Variants in VEPH1 observed in about 807,000 individuals in gnomAD.
VEPH1 encodes ventricular zone expressed PH domain containing 1.
VEPH1 carries 80 observed loss-of-function variants against 85.2 expected under a neutral mutation model. The observed-to-expected ratio is 0.94, with a 90% CI of 0.78 to 1.13. The LOEUF is 1.13. Ranked by LOEUF, VEPH1 falls within the 50% of genes most tolerant of loss-of-function variation. The pLI is 0.00. For synonymous variants in VEPH1, 297 were observed against 348.0 expected (o/e 0.85, Z 1.63); for missense variants, 955 against 980.5 (o/e 0.97, Z 0.35).
intron 3 of VEPH1, among the ~76,000 whole-genome samples, chr3:157,466,403 C>G (rs563897546): frequency 1.5e-4 from 23 of 152,296 alleles, no homozygotes; most frequent in Admixed American, 1.5e-3. Flanking sequence ...GTACTAAACT[C>G]CAGTAGTTTG....
At chr3:157,355,219 C>T (rs945124849) in intron 9 of VEPH1, among the ~76,000 whole-genome samples, 6 of 152,292 alleles carry the variant, frequency 3.9e-5, no homozygotes, top group South Asian at 2.1e-4. Flanking sequence ...TTTGTAACTA[C>T]GTATTATGTA....
intron 11 of VEPH1, among the ~76,000 whole-genome samples, chr3:157,306,685 C>T (rs1174554402): frequency 6.6e-6 from 1 of 151,864 alleles, no homozygotes; most frequent in African/African-American, 2.4e-5. Context: ...AAAAATAGGG[C>T]ACATGAAATT....
chr3:157,435,315 T>C (rs1733474089), intron 4 of VEPH1, among the ~76,000 whole-genome samples: 1 of 152,232 alleles, frequency 6.6e-6, no homozygotes, highest in Non-Finnish European at 1.5e-5. Flanking sequence ...TGCTTCCTCA[T>C]ATGTTCAAAT....
At chr3:157,498,680 C>T (rs1006144880) in intron 1 of VEPH1, among the ~76,000 whole-genome samples, 6 of 152,210 alleles carry the variant, frequency 3.9e-5, no homozygotes, top group Non-Finnish European at 1.5e-5. Context: ...ACATCCCTTC[C>T]TAAATAAGGA....
At chr3:157,350,627 G>C (rs1183390010) in intron 9 of VEPH1, among the ~76,000 whole-genome samples, 1 of 151,940 alleles carries the variant, frequency 6.6e-6, no homozygotes, top group African/African-American at 2.4e-5. Context: ...TCATACAACA[G>C]GATATTAACA....
intron 3 of VEPH1, among the ~76,000 whole-genome samples, chr3:157,469,586 C>G (rs567773997): frequency 4.6e-5 from 7 of 152,284 alleles, no homozygotes; most frequent in African/African-American, 1.7e-4. Flanking sequence ...ACATTGTGAT[C>G]ATTCAAAAGG....
intron 6 of VEPH1, 57 bp from the exon 7 acceptor site, chr3:157,381,433 T>A (rs1728759275): frequency 6.4e-7 from 1 of 1,567,752 alleles, no homozygotes. Context: ...CATCCAGGCA[T>A]GGTGGTCATG....
intron 9 of VEPH1, among the ~76,000 whole-genome samples, chr3:157,360,662 T>C (rs1190782600): frequency 6.6e-6 from 1 of 152,088 alleles, no homozygotes; most frequent in African/African-American, 2.4e-5. Context: ...GTGCTCAGAA[T>C]ACATACATTT....
chr3:157,440,440 TG>T (rs1734028150), intron 4 of VEPH1, among the ~76,000 whole-genome samples: 1 of 152,184 alleles, frequency 6.6e-6, no homozygotes, highest in African/African-American at 2.4e-5. Flanking sequence ...CATGGATGTT[TG>T]GTTTCTGCAA....
At chr3:157,418,247 G>A (rs762356095) in intron 5 of VEPH1, among the ~76,000 whole-genome samples, 6 of 152,082 alleles carry the variant, frequency 3.9e-5, no homozygotes, top group Admixed American at 1.3e-4. Context: ...CCCAGGGTAG[G>A]GCAGCAACCC....
chr3:157,276,467 T>G (rs1419128466), intron 12 of VEPH1, among the ~76,000 whole-genome samples: 1 of 152,230 alleles, frequency 6.6e-6, no homozygotes, highest in Non-Finnish European at 1.5e-5. Flanking sequence ...CCACAGGTGA[T>G]TCTTATGTTG....
chr3:157,454,820 A>G (rs1735236087), intron 4 of VEPH1, among the ~76,000 whole-genome samples: 2 of 152,198 alleles, frequency 1.3e-5, no homozygotes, highest in Admixed American at 6.5e-5. Flanking sequence ...CATGTACCCA[A>G]TGATTAGTTC....
chr3:157,494,732 T>G lies in VEPH1; in HGVS notation c.138+480A>C, dbSNP rs143471482. On this transcript the variant is annotated intron_variant, in intron 2 of 13. Transcript: ENST00000362010. The stretch of plus-strand genomic sequence containing the variant: ...TTATTAAGTCCTGGGCAACTGTCAC[T>G]TCTGGCAGCAAAGCGATCGTTGTCC... Among the ~76,000 whole-genome samples the G allele has an allele frequency of 1.8e-3, 271 of 152,186 alleles. 1 individual carries two copies. Among genetic ancestry groups the G allele is most frequent in the African/African-American group, 6.4e-3 (265 of 41,526 alleles).
At chr3:157,385,219 C>CAAAA (rs66539962) in intron 6 of VEPH1, among the ~76,000 whole-genome samples, 2 of 135,492 alleles carry the variant, frequency 1.5e-5, no homozygotes, top group Non-Finnish European at 1.6e-5. Flanking sequence ...CTCCTCCCAT[C>CAAAA]AAAAAAAAAA....
intron 11 of VEPH1, among the ~76,000 whole-genome samples, chr3:157,295,090 G>A (rs1251562077): frequency 6.6e-6 from 1 of 152,110 alleles, no homozygotes; most frequent in Non-Finnish European, 1.5e-5. Context: ...CATTGTCAAG[G>A]TTCCTTGCCT....
intron 3 of VEPH1, among the ~76,000 whole-genome samples, chr3:157,467,857 T>A (rs1430880746): frequency 6.6e-6 from 1 of 152,244 alleles, no homozygotes; most frequent in African/African-American, 2.4e-5. Context: ...CTCAGAACCC[T>A]GCTCTCTACA....
intron 7 of VEPH1, among the ~76,000 whole-genome samples, chr3:157,379,573 T>G (rs921197743): frequency 1.3e-5 from 2 of 151,580 alleles, no homozygotes; most frequent in Admixed American, 6.6e-5. Flanking sequence ...TTATATCTCT[T>G]AGGACCTCCA....
intron 4 of VEPH1, among the ~76,000 whole-genome samples, chr3:157,429,830 T>C (rs1179900082): frequency 6.6e-6 from 1 of 152,214 alleles, no homozygotes; most frequent in Non-Finnish European, 1.5e-5. Context: ...CTGCTAAAAA[T>C]GGTCACATTA....
At chr3:157,475,048 T>C (rs1737330052) in intron 2 of VEPH1, among the ~76,000 whole-genome samples, 2 of 152,066 alleles carry the variant, frequency 1.3e-5, no homozygotes, top group Non-Finnish European at 2.9e-5. Context: ...AGTGGTGCCA[T>C]GGCTCAATGC....
Sources: gnomAD v4.1 joint callset for allele counts (sites outside exome capture counted in the v4.1 genomes callset) on GRCh38, gnomAD v4.1.1 for gene constraint, MANE v1.5 for transcripts, NCBI Gene and HGNC (gene_info 2026-07-23, HGNC 2026-07-21) for gene names.